The following SLC36A4 variants were observed in gnomAD, a reference collection of about 807,000 sequenced individuals.
SLC36A4 encodes the protein solute carrier family 36 member 4.
SLC36A4 carries 49 observed loss-of-function variants against 50.5 expected under a neutral mutation model. The observed-to-expected ratio is 0.97, with a 90% CI of 0.77 to 1.23. The LOEUF (loss-of-function observed/expected upper bound fraction) is 1.23, where lower values mean the gene tolerates loss of function less well. SLC36A4 is among the 50% of genes most tolerant of loss of function. The pLI, the probability that SLC36A4 is intolerant of heterozygous loss-of-function variation, is 0.00. For missense variants in SLC36A4, 611 were observed against 608.4 expected (o/e 1.00, Z -0.05); for synonymous variants, 207 against 206.5 (o/e 1.00, Z -0.02).
intron 6 of SLC36A4, among the ~76,000 whole-genome samples, chr11:93,177,156 T>G (rs1425647993): frequency 6.6e-6 from 1 of 152,196 alleles, no homozygotes; most frequent in Non-Finnish European, 1.5e-5. Flanking sequence ...TCGTTTCTTT[T>G]TATTCTTTTT....
rs1022692973 is a variant in SLC36A4 at position 93,147,862 on chromosome 11, A to C, written c.*675T>G. On this transcript the variant is annotated 3_prime_UTR_variant, in exon 11 of 11. Transcript: ENST00000326402. ...AAAAACAAGGGAGTTGCACTGGATAAGTTTTAAAGTCCCTTTTCAAATTTC... is the reference window on the plus strand; with the variant it reads ...AAAAACAAGGGAGTTGCACTGGATACGTTTTAAAGTCCCTTTTCAAATTTC... The C allele has an allele frequency of 6.6e-6, 1 of 152,070 alleles. No individual in the cohort carries two copies. Among genetic ancestry groups the C allele is most frequent in the Admixed American group, 6.6e-5 (1 of 15,246 alleles). The allele number at this position is 152,070 out of a possible 1,614,324, so 9.4% of individuals were successfully genotyped here.
At chr11:93,153,087 A>G (rs76665758) in intron 10 of SLC36A4, among the ~76,000 whole-genome samples, 6,311 of 152,210 alleles carry the variant, frequency 0.041, 186 homozygotes, top group South Asian at 0.098. Context: ...AAAATATAAT[A>G]CACTCAATTC....
At chr11:93,158,652 C>T (rs1352880218) in intron 9 of SLC36A4, among the ~76,000 whole-genome samples, 2 of 152,076 alleles carry the variant, frequency 1.3e-5, no homozygotes, top group African/African-American at 4.8e-5. Flanking sequence ...CAAGAACCCA[C>T]TTATTTCTAT....
chr11:93,169,246 T>C (rs1268393550), intron 6 of SLC36A4, among the ~76,000 whole-genome samples: 1 of 152,126 alleles, frequency 6.6e-6, no homozygotes, highest in Non-Finnish European at 1.5e-5. Context: ...TAGATGGTAA[T>C]ATTAATCCCA....
chr11:93,153,204 T>A (rs962561614), intron 10 of SLC36A4, among the ~76,000 whole-genome samples: 4 of 152,088 alleles, frequency 2.6e-5, no homozygotes, highest in Admixed American at 2.6e-4. Flanking sequence ...TTTATTAATA[T>A]CTTACACAAG....
rs555843129 is a variant in SLC36A4 at position 93,179,336 on chromosome 11, T to A, written c.540+1461A>T. Among the ~76,000 whole-genome samples, 37 of 152,166 alleles carry A rather than the reference T, an allele frequency of 2.4e-4. 1 individual carries two copies. The highest frequency in any genetic ancestry group is 6.5e-4 in the Admixed American group (10 of 15,272). The stretch of plus-strand genomic sequence containing the variant: ...GTGATGAACACAAGAGATATGGGAG[T>A]CCCTTCCTTCATAAGGCTTGCTGTC... On this transcript the variant is annotated intron_variant, in intron 6 of 10. Transcript: ENST00000326402.
chr11:93,150,087 A>G (rs78199822), intron 10 of SLC36A4, among the ~76,000 whole-genome samples: 5,941 of 152,194 alleles, frequency 0.039, 221 homozygotes, highest in African/African-American at 0.095. Context: ...GAAGATTTGC[A>G]AAAACCAAGA....
In SLC36A4 at chr11:93,149,495, A is replaced by G. The variant is rs1859978456; in HGVS notation, c.1208-651T>C. On this transcript the variant is annotated intron_variant, in intron 10 of 10. Transcript: ENST00000326402. ...CCTTAGCCAAGTAAACAAAATTAAC[A>G]TCACCAATAAGACACTGATACTATG... Among the ~76,000 whole-genome samples, 2 of 152,088 alleles carry G rather than the reference A, an allele frequency of 1.3e-5. 1 individual carries two copies. Among genetic ancestry groups the G allele is most frequent in the South Asian group, 4.1e-4 (2 of 4,832 alleles).
chr11:93,187,038 G>C (rs956600820), intron 1 of SLC36A4, among the ~76,000 whole-genome samples: 1 of 152,140 alleles, frequency 6.6e-6, no homozygotes, highest in Admixed American at 6.5e-5. Flanking sequence ...TGTTCCCTGA[G>C]TTTTTACACG....
At chr11:93,173,025 A>G (rs1425124363) in intron 6 of SLC36A4, among the ~76,000 whole-genome samples, 7 of 142,644 alleles carry the variant, frequency 4.9e-5, no homozygotes, top group African/African-American at 1.8e-4. Flanking sequence ...CGCCACACTG[A>G]CTTCCACAAT....
intron 7 of SLC36A4, chr11:93,166,432 C>T: frequency 1.0e-6 from 1 of 989,020 alleles, no homozygotes. Context: ...TTTTATTGCT[C>T]TTTCAGTTCT....
At chr11:93,155,298 T>G (rs1182490831) in intron 9 of SLC36A4, 1 of 152,128 alleles carries the variant, frequency 6.6e-6, no homozygotes, top group Non-Finnish European at 1.5e-5. Context: ...GATTAACACA[T>G]ATGTCCTCTT....
intron 2 of SLC36A4, among the ~76,000 whole-genome samples, chr11:93,184,939 C>T (rs1861916071): frequency 6.6e-6 from 1 of 152,106 alleles, no homozygotes; most frequent in Non-Finnish European, 1.5e-5. Context: ...TGTATTGACA[C>T]TACCTATGTA....
chr11:93,189,153 C>T (rs1329464400), intron 1 of SLC36A4, among the ~76,000 whole-genome samples: 6 of 151,846 alleles, frequency 4.0e-5, no homozygotes, highest in Non-Finnish European at 7.4e-5. Flanking sequence ...ATCTCTGCCC[C>T]GCCAAGTTCA....
chr11:93,158,060 A>C lies in SLC36A4; in HGVS notation c.1038-3783T>G, dbSNP rs556548878. Among the ~76,000 whole-genome samples, 10 of 152,344 alleles carry C rather than the reference A, an allele frequency of 6.6e-5. No homozygotes were observed. The South Asian group carries it at 1.7e-3, about 25-fold the overall frequency. Reference sequence around the variant, plus strand: ...TGAATAAAAACAGATTTGAAGATACACATCACAATTAGGAAGGAAAGAACT... The same window carrying C: ...TGAATAAAAACAGATTTGAAGATACCCATCACAATTAGGAAGGAAAGAACT... On this transcript the variant is annotated intron_variant, in intron 9 of 10. Transcript: ENST00000326402.
chr11:93,150,796 G>T (rs1176542274), intron 10 of SLC36A4, among the ~76,000 whole-genome samples: 1 of 151,998 alleles, frequency 6.6e-6, no homozygotes, highest in African/African-American at 2.4e-5. Context: ...CATTTGTGGA[G>T]ACATGTTTGT....
intron 6 of SLC36A4, among the ~76,000 whole-genome samples, chr11:93,172,978 G>T (rs1355244212): frequency 2.0e-5 from 3 of 150,060 alleles, no homozygotes; most frequent in African/African-American, 7.4e-5. Flanking sequence ...GGATGGCTGG[G>T]TCAAATGGTA....
At chr11:93,160,047 A>G in intron 9 of SLC36A4, 1 of 985,318 alleles carries the variant, frequency 1.0e-6, no homozygotes, top group Non-Finnish European at 1.2e-6. Context: ...TGAAAGAGAG[A>G]CTCGTATATA....
chr11:93,182,155 A>C lies in SLC36A4; in HGVS notation c.360-369T>G, dbSNP rs1214034801. 3 of 185,858 alleles carry C rather than the reference A, an allele frequency of 1.6e-5. No individual in the cohort carries two copies. In the Admixed American group the frequency reaches 2.0e-4, roughly 12 times the overall value. The allele number at this position is 185,858 out of a possible 1,614,324, so 11.5% of individuals were successfully genotyped here. A position where few individuals can be genotyped will look rare whatever the true frequency, so the allele number is the denominator to read the frequency against. Reference sequence around the variant, plus strand: ...TTAGAACAGCATTATTTAATAATACATCTGTGCAAGGCTGCACAATACATT... The same window carrying C: ...TTAGAACAGCATTATTTAATAATACCTCTGTGCAAGGCTGCACAATACATT... On this transcript the variant is annotated intron_variant, in intron 4 of 10. Coordinates refer to ENST00000326402, the MANE Select transcript of SLC36A4 (RefSeq NM_152313.4).
Sources: gnomAD v4.1 joint callset for allele counts (sites outside exome capture counted in the v4.1 genomes callset) on GRCh38, gnomAD v4.1.1 for gene constraint, MANE v1.5 for transcripts, NCBI Gene and HGNC (gene_info 2026-07-23, HGNC 2026-07-21) for gene names.